Variants in ICA1 observed in about 807,000 individuals in gnomAD.
ICA1 encodes the protein 69 kDa islet cell autoantigen.
A neutral mutation model predicts 71.0 loss-of-function variants in ICA1; 40 were observed. The observed-to-expected ratio is 0.56, with a 90% CI of 0.44 to 0.73. The LOEUF (loss-of-function observed/expected upper bound fraction) is 0.73. Ranked by LOEUF, ICA1 falls within the 30% of genes least tolerant of loss-of-function variation. The pLI is 0.00. For synonymous variants in ICA1, 207 were observed against 209.5 expected (o/e 0.99, Z 0.10); for missense variants, 578 against 576.5 (o/e 1.00, Z -0.03).
Position 8,228,592 on chromosome 7 carries a change from C to CCTCTTTTGATATATCCTCTTTTGATAT in ICA1, c.256+8_256+9insATATCAAAAGAGGATATATCAAAAGAG, listed in dbSNP as rs1173832833. 2 of 1,538,934 alleles carry CCTCTTTTGATATATCCTCTTTTGATAT rather than the reference C, an allele frequency of 1.3e-6. No individual in the cohort carries two copies. Among genetic ancestry groups the CCTCTTTTGATATATCCTCTTTTGATAT allele is most frequent in the African/African-American group, 2.7e-5 (2 of 72,946 alleles). Reference sequence around the variant, plus strand: ...ATTTGATCAATATTCATACTGATGTCATACTTACAACATATCCTCTTTTGA... The same window carrying CCTCTTTTGATATATCCTCTTTTGATAT: ...ATTTGATCAATATTCATACTGATGTCCTCTTTTGATATATCCTCTTTTGATATATACTTACAACATATCCTCTTTTGA... On this transcript the variant is annotated intron_variant, in intron 4 of 13. Coordinates refer to ENST00000402384, the MANE Select transcript of ICA1 (RefSeq NM_001136020.3).
In ICA1 at chr7:8,221,289, A is replaced by G; in HGVS notation, c.366T>C (p.Phe122=). The change falls in exon 5 of 14, where the codon TTT becomes TTC. Residue 122 remains phenylalanine (F), a synonymous_variant. Coordinates refer to ENST00000402384, the MANE Select transcript of ICA1 (RefSeq NM_001136020.3). ...AGGCCACACACCTTTGCTGGGAAGA[A>G]AAGCAGAGGGCCTTTCCTGTCGCTT... The part of the protein sequence containing the change: ...MMQATGKALC[F]SSQQRLALRN... 1.2e-6 allele frequency: 2 copies of G among 1,613,652 alleles called. No individual in the cohort carries two copies.
chr7:8,211,400 G>A (rs1313894778), intron 6 of ICA1, among the ~76,000 whole-genome samples: 4 of 152,298 alleles, frequency 2.6e-5, no homozygotes, highest in African/African-American at 9.6e-5. Context: ...GCTTAGCGTG[G>A]TTAATGCGTT....
At chr7:8,163,821 A>C (rs984254359) in intron 6 of ICA1, among the ~76,000 whole-genome samples, 1 of 152,170 alleles carries the variant, frequency 6.6e-6, no homozygotes, top group Non-Finnish European at 1.5e-5. Context: ...GGATGAGATG[A>C]GGCAGAGAGG....
At position 8,234,538 on chromosome 7, in the gene ICA1, C is replaced by T. The variant is rs1801254258; in HGVS notation, c.17+1372G>A. Among the ~76,000 whole-genome samples the T allele has an allele frequency of 6.6e-6, 1 of 152,168 alleles. No individual in the cohort carries two copies. Among genetic ancestry groups the T allele is most frequent in the Admixed American group, 6.5e-5 (1 of 15,286 alleles). On this transcript the variant is annotated intron_variant, in intron 2 of 13. Coordinates refer to ENST00000402384, the MANE Select transcript of ICA1 (RefSeq NM_001136020.3). The surrounding 1 kb of genome is among the most constrained non-coding windows in gnomAD (Gnocchi z 4.5). ...ATATCAAAATACCAGTATCTCAAAA[C>T]CTACTTTCCTTCATTTACAATTTCA...
chr7:8,165,906 A>T (rs1805766625), intron 6 of ICA1, among the ~76,000 whole-genome samples: 1 of 152,204 alleles, frequency 6.6e-6, no homozygotes, highest in Admixed American at 6.5e-5. Context: ...ATGCTCATGG[A>T]TAGGAAGAAT....
chr7:8,195,562 A>T (rs1787180285), intron 6 of ICA1, among the ~76,000 whole-genome samples: 1 of 151,976 alleles, frequency 6.6e-6, no homozygotes, highest in African/African-American at 2.4e-5. Context: ...ACAAAAACAA[A>T]AACAAAAACA....
intron 1 of ICA1, among the ~76,000 whole-genome samples, chr7:8,257,070 G>C (rs1200158018): frequency 6.6e-6 from 1 of 152,230 alleles, no homozygotes; most frequent in Non-Finnish European, 1.5e-5. Context: ...AAAGGAGCTT[G>C]ATTAATGGGG....
rs1419301570 is a variant in ICA1 at position 8,144,750 on chromosome 7, T to G, written c.805-778A>C. On this transcript the variant is annotated intron_variant, in intron 8 of 13. Coordinates refer to ENST00000402384, the MANE Select transcript of ICA1 (RefSeq NM_001136020.3). This position sits in a 1 kb window ranked among gnomAD's most constrained non-coding sequence, Gnocchi z 4.5. The stretch of plus-strand genomic sequence containing the variant: ...ATAATGATTTATACAAAAAGATCTC[T>G]ATTTCTGGCCCTAATTAAAATACAA... Among the ~76,000 whole-genome samples the G allele has an allele frequency of 6.6e-6, 1 of 152,246 alleles. No homozygotes were observed. The highest frequency in any genetic ancestry group is 1.5e-5 in the Non-Finnish European group (1 of 68,042).
intron 6 of ICA1, among the ~76,000 whole-genome samples, chr7:8,214,979 T>C (rs1794957881): frequency 6.6e-6 from 1 of 152,194 alleles, no homozygotes; most frequent in African/African-American, 2.4e-5. Context: ...AGCCCATTTC[T>C]CTCTGGTCTA....
At chr7:8,204,439 C>T (rs571795222) in intron 6 of ICA1, among the ~76,000 whole-genome samples, 21 of 152,256 alleles carry the variant, frequency 1.4e-4, no homozygotes, top group East Asian at 7.7e-4. Context: ...GCAGTTTTAA[C>T]GAAGTAATGA....
At chr7:8,167,845 C>A (rs1399008375) in intron 6 of ICA1, among the ~76,000 whole-genome samples, 1 of 152,084 alleles carries the variant, frequency 6.6e-6, no homozygotes, top group Non-Finnish European at 1.5e-5. Flanking sequence ...GAATCAGAGC[C>A]CTTCCTTAGG....
intron 8 of ICA1, among the ~76,000 whole-genome samples, chr7:8,150,958 A>C (rs1019065240): frequency 1.1e-4 from 17 of 152,368 alleles, no homozygotes; most frequent in African/African-American, 4.1e-4. Flanking sequence ...GCAAACGACT[A>C]GACCTTTCTG....
chr7:8,173,031 CTTTGCTTTCT>C lies in ICA1; in HGVS notation c.580-14389_580-14380del, dbSNP rs1808966829. ...TGAAAGTAAAATAGGGGCTTAGTTG[CTTTGCTTTCT>C]TTGCTTTCCCTATTAAGATTTAATC... On this transcript the variant is annotated intron_variant, in intron 6 of 13. Transcript: ENST00000402384. The surrounding 1 kb of genome is among the most constrained non-coding windows in gnomAD (Gnocchi z 4.0). Among the ~76,000 whole-genome samples the C allele has an allele frequency of 6.6e-6, 1 of 152,126 alleles. No individual in the cohort carries two copies. The highest frequency in any genetic ancestry group is 1.5e-5 in the Non-Finnish European group (1 of 68,016).
chr7:8,148,547 G>A (rs1261995755), intron 8 of ICA1, among the ~76,000 whole-genome samples: 1 of 152,062 alleles, frequency 6.6e-6, no homozygotes, highest in Non-Finnish European at 1.5e-5. Flanking sequence ...ACTCTTGATT[G>A]TATAATCAGC....
rs1206645688 is a variant in ICA1 at position 8,144,785 on chromosome 7, T to A, written c.805-813A>T. Among the ~76,000 whole-genome samples the A allele has an allele frequency of 6.6e-6, 1 of 152,146 alleles. No individual in the cohort carries two copies. Among genetic ancestry groups the A allele is most frequent in the Non-Finnish European group, 1.5e-5 (1 of 68,018 alleles). ...CCTAATTAAAATACAAACCTATAAA[T>A]ACAAAATAAACATCTCAGGATACTT... On this transcript the variant is annotated intron_variant, in intron 8 of 13. Transcript: ENST00000402384. This position sits in a 1 kb window ranked among gnomAD's most constrained non-coding sequence, Gnocchi z 4.5.
Position 8,234,195 on chromosome 7 carries a change from T to C in ICA1, c.18-1440A>G, listed in dbSNP as rs1295511883. 6.6e-6 allele frequency among the ~76,000 whole-genome samples: 1 copy of C among 152,040 alleles called. No homozygotes were observed. Among genetic ancestry groups the C allele is most frequent in the Non-Finnish European group, 1.5e-5 (1 of 68,000 alleles). On this transcript the variant is annotated intron_variant, in intron 2 of 13. Transcript: ENST00000402384. This position sits in a 1 kb window ranked among gnomAD's most constrained non-coding sequence, Gnocchi z 4.5. ...CACACCACTGCACTTCATCCTGGGA[T>C]ACGGGGCGAGACCCTGTCCCTCAAA...
chr7:8,250,343 T>G (rs540285728), intron 1 of ICA1, among the ~76,000 whole-genome samples: 6 of 152,332 alleles, frequency 3.9e-5, no homozygotes, highest in Middle Eastern at 3.4e-3. Flanking sequence ...TTAATTATTA[T>G]TTTTAAAATC....
chr7:8,137,345 A>G lies in ICA1; in HGVS notation c.1060+1495T>C, dbSNP rs6946918. Among the ~76,000 whole-genome samples, 1,504 of 152,368 alleles carry G rather than the reference A, an allele frequency of 9.9e-3. 27 individuals are homozygous for G. The highest frequency in any genetic ancestry group is 0.035 in the African/African-American group (1,447 of 41,580). ...AAACAAGATGTTGGGAATGAAAGGAATAACAGCCTTCCTATCAAAGTAAGT... is the reference window on the plus strand; with the variant it reads ...AAACAAGATGTTGGGAATGAAAGGAGTAACAGCCTTCCTATCAAAGTAAGT... On this transcript the variant is annotated intron_variant, in intron 12 of 13. Transcript: ENST00000402384.
In ICA1 at chr7:8,144,013, GA is replaced by G; in HGVS notation, c.805-42del. On this transcript the variant is annotated intron_variant, in intron 8 of 13. Coordinates refer to ENST00000402384, the MANE Select transcript of ICA1 (RefSeq NM_001136020.3). The surrounding 1 kb of genome is among the most constrained non-coding windows in gnomAD (Gnocchi z 4.5). The stretch of plus-strand genomic sequence containing the variant: ...TAGAAAAATGAAAAAGAAAAAAAAA[GA>G]AGAAGAAATAGAGACAAAAAAAAGA... The G allele has an allele frequency of 8.9e-7, 1 of 1,127,124 alleles. No individual in the cohort carries two copies. Among genetic ancestry groups the G allele is most frequent in the Non-Finnish European group, 1.3e-6 (1 of 767,516 alleles). The allele number at this position is 1,127,124 out of a possible 1,614,324, so 69.8% of individuals were successfully genotyped here.
Sources: allele counts gnomAD v4.1 joint callset (sites outside exome capture counted in the v4.1 genomes callset), GRCh38; gene constraint gnomAD v4.1.1; non-coding constraint Gnocchi (gnomAD v3.1); transcripts MANE v1.5; gene names NCBI Gene and HGNC (gene_info 2026-07-23, HGNC 2026-07-21).